Variants in GGACT observed in about 807,000 individuals in gnomAD.
The protein encoded by GGACT is gamma-glutamylaminecyclotransferase.
For synonymous variants in GGACT, 118 were observed against 115.3 expected (o/e 1.02, Z -0.15); for missense variants, 241 against 233.2 (o/e 1.03, Z -0.22).
chr13:100,582,748 T>C (rs1182503589), intron 2 of GGACT, among the ~76,000 whole-genome samples: 1 of 152,218 alleles, frequency 6.6e-6, no homozygotes, highest in East Asian at 1.9e-4. Context: ...TATACACATA[T>C]TTTTAATTAA....
intron 2 of GGACT, among the ~76,000 whole-genome samples, chr13:100,571,210 A>T (rs1875073084): frequency 6.6e-6 from 1 of 152,192 alleles, no homozygotes; most frequent in Admixed American, 6.5e-5. Context: ...TGAGAAGCAC[A>T]CTTTTGTAAG....
rs1232147691 is a variant in GGACT at position 100,532,471 on chromosome 13, G to C, written c.121C>G (p.Pro41Ala). 2 of 1,549,666 alleles carry C rather than the reference G, an allele frequency of 1.3e-6. No homozygotes were observed. Among genetic ancestry groups the C allele is most frequent in the Admixed American group, 2.0e-5 (1 of 50,990 alleles). Reference sequence around the variant, plus strand: ...TTGTGCTCCCCCGCGATCACCAACGGGTAGGGCTCCAGCGTGCGGCCGCGC... The same window carrying C: ...TTGTGCTCCCCCGCGATCACCAACGCGTAGGGCTCCAGCGTGCGGCCGCGC... Reference protein sequence around the residue: ...RARGRTLEPYPLVIAGEHNIP... With the variant: ...RARGRTLEPYALVIAGEHNIP... The change falls in exon 3 of 3, where the codon CCG becomes GCG. Residue 41 changes from proline to alanine, a missense_variant. Pro to Ala is a conservative substitution (Grantham distance 27). Coordinates refer to ENST00000683975, the MANE Select transcript of GGACT (RefSeq NM_001195087.2).
rs375542084 is a variant in GGACT, at chr13:100,553,794, A to C, written c.-10-21193T>G. Among the ~76,000 whole-genome samples the C allele has an allele frequency of 7.9e-5, 12 of 151,256 alleles. No homozygotes were observed. The East Asian group carries it at 1.4e-3, about 17-fold the overall frequency. On this transcript the variant is annotated intron_variant, in intron 2 of 2. Transcript: ENST00000683975. ...GTGAAGCAGAGGTTGCAGTGAGCCA[A>C]GATCGCGCCACTGCACTCCAGCGGG...
chr13:100,566,503 C>T (rs1055592892), intron 2 of GGACT, among the ~76,000 whole-genome samples: 4 of 152,256 alleles, frequency 2.6e-5, no homozygotes, highest in African/African-American at 9.6e-5. Context: ...TCACCGTGAG[C>T]CCTAGAGGCA....
chr13:100,530,858 C>T lies in GGACT; in HGVS notation c.*1272G>A. The T allele has an allele frequency of 6.4e-6, 1 of 155,450 alleles. No homozygotes were observed. Among genetic ancestry groups the T allele is most frequent in the Non-Finnish European group, 1.4e-5 (1 of 70,134 alleles). The allele number at this position is 155,450 out of a possible 1,614,324, so 9.6% of individuals were successfully genotyped here. On this transcript the variant is annotated 3_prime_UTR_variant, in exon 3 of 3. Coordinates refer to ENST00000683975, the MANE Select transcript of GGACT (RefSeq NM_001195087.2). ...CCCTTCCCCATTGCACAAGCCAGGG[C>T]AGTCACAAGGAGCTTGGGCTGCCTC...
At chr13:100,578,035 G>T (rs1875304295) in intron 2 of GGACT, among the ~76,000 whole-genome samples, 1 of 152,192 alleles carries the variant, frequency 6.6e-6, no homozygotes, top group Admixed American at 6.5e-5. Flanking sequence ...GGGAAAGATA[G>T]AAAAGGGAAA....
chr13:100,574,975 C>T (rs1875206190), intron 2 of GGACT, among the ~76,000 whole-genome samples: 1 of 152,140 alleles, frequency 6.6e-6, no homozygotes, highest in African/African-American at 2.4e-5. Flanking sequence ...ACCTCAAGAG[C>T]CCATCTGATG....
chr13:100,579,768 G>C (rs1276314251), intron 2 of GGACT, among the ~76,000 whole-genome samples: 2 of 152,148 alleles, frequency 1.3e-5, no homozygotes, highest in African/African-American at 2.4e-5. Context: ...AGTTCACCCT[G>C]GGTCTCTGGG....
At position 100,534,198 on chromosome 13, in the gene GGACT, T is replaced by C. The variant is rs2088457802; in HGVS notation, c.-10-1597A>G. Among the ~76,000 whole-genome samples, 1 of 152,204 alleles carries C rather than the reference T, an allele frequency of 6.6e-6. No homozygotes were observed. The highest frequency in any genetic ancestry group is 2.1e-4 in the South Asian group (1 of 4,832). ...CTGCCTCTTGGTTCTATCACCAGCCTGTGCAACAACAGTATTCCCCAGATT... is the reference window on the plus strand; with the variant it reads ...CTGCCTCTTGGTTCTATCACCAGCCCGTGCAACAACAGTATTCCCCAGATT... On this transcript the variant is annotated intron_variant, in intron 2 of 2. Coordinates refer to ENST00000683975, the MANE Select transcript of GGACT (RefSeq NM_001195087.2). This position sits in a 1 kb window ranked among gnomAD's most constrained non-coding sequence, Gnocchi z 4.9.
chr13:100,533,693 G>A (rs2088450879), intron 2 of GGACT: 1 of 152,242 alleles, frequency 6.6e-6, no homozygotes, highest in African/African-American at 2.4e-5. Flanking sequence ...GAGGGCAGTG[G>A]TGCTTCACGG....
In GGACT at chr13:100,536,555, T is replaced by TA. The variant is rs1380446568; in HGVS notation, c.-10-3955_-10-3954insT. On this transcript the variant is annotated intron_variant, in intron 2 of 2. Coordinates refer to ENST00000683975, the MANE Select transcript of GGACT (RefSeq NM_001195087.2). Reference sequence around the variant, plus strand: ...CATTCACAGGCTCAATATATATATATTTTTTAAGTTTTCTTCATTCCCTTC... The same window carrying TA: ...CATTCACAGGCTCAATATATATATATATTTTTAAGTTTTCTTCATTCCCTTC... The TA allele has an allele frequency of 1.1e-4, 17 of 152,216 alleles. No homozygotes were observed. In the South Asian group the frequency reaches 1.7e-3, roughly 15 times the overall value. The allele number at this position is 152,216 out of a possible 1,614,324, so 9.4% of individuals were successfully genotyped here.
chr13:100,567,134 C>T lies in GGACT; in HGVS notation c.-11+16691G>A, dbSNP rs1479750844. 2.6e-5 allele frequency among the ~76,000 whole-genome samples: 4 copies of T among 152,188 alleles called. No individual in the cohort carries two copies. In the East Asian group the frequency reaches 7.7e-4, roughly 29 times the overall value. ...GACACCATATGATTTCAACTTGCTC[C>T]ATTATTGATGACATTCACTCTGATC... On this transcript the variant is annotated intron_variant, in intron 2 of 2. Coordinates refer to ENST00000683975, the MANE Select transcript of GGACT (RefSeq NM_001195087.2).
intron 2 of GGACT, among the ~76,000 whole-genome samples, chr13:100,557,180 C>T (rs1012945280): frequency 6.6e-6 from 1 of 152,214 alleles, no homozygotes; most frequent in Non-Finnish European, 1.5e-5. Context: ...CTTTAGCCAC[C>T]ATGCCCAGCC....
chr13:100,560,945 G>C (rs914505010), intron 2 of GGACT, among the ~76,000 whole-genome samples: 1 of 152,134 alleles, frequency 6.6e-6, no homozygotes, highest in Non-Finnish European at 1.5e-5. Flanking sequence ...TGCGCACCCC[G>C]CATCTCCTCC....
chr13:100,569,125 T>C (rs1488786871), intron 2 of GGACT, among the ~76,000 whole-genome samples: 1 of 152,232 alleles, frequency 6.6e-6, no homozygotes, highest in Non-Finnish European at 1.5e-5. Context: ...GTGCAAGCCA[T>C]TGGTGGTTCC....
intron 2 of GGACT, among the ~76,000 whole-genome samples, chr13:100,582,036 C>T (rs1019644343): frequency 5.3e-5 from 8 of 152,136 alleles, no homozygotes; most frequent in South Asian, 2.1e-4. Flanking sequence ...TACCAGTATG[C>T]GCTCATGAAA....
intron 2 of GGACT, among the ~76,000 whole-genome samples, chr13:100,556,374 G>A (rs2088708380): frequency 6.6e-6 from 1 of 152,178 alleles, no homozygotes; most frequent in Non-Finnish European, 1.5e-5. Flanking sequence ...ATCATTTATA[G>A]TATCACCAAA....
chr13:100,582,320 G>A (rs1048627342), intron 2 of GGACT, among the ~76,000 whole-genome samples: 1 of 152,136 alleles, frequency 6.6e-6, no homozygotes, highest in Non-Finnish European at 1.5e-5. Context: ...TCCCTCTCCA[G>A]TCCCATCTCC....
chr13:100,549,579 G>A (rs1256761295), intron 2 of GGACT, among the ~76,000 whole-genome samples: 1 of 152,232 alleles, frequency 6.6e-6, no homozygotes, highest in Non-Finnish European at 1.5e-5. Context: ...CAGGGAGCTG[G>A]GTCAGGGCCC....
Sources: gnomAD v4.1 joint callset for allele counts (sites outside exome capture counted in the v4.1 genomes callset) on GRCh38, gnomAD v4.1.1 for gene constraint, Gnocchi (gnomAD v3.1) non-coding constraint, MANE v1.5 for transcripts, NCBI Gene and HGNC (gene_info 2026-07-23, HGNC 2026-07-21) for gene names.